The following CD6 variants were observed in gnomAD, a reference collection of about 807,000 sequenced individuals.
CD6 encodes T-cell differentiation antigen CD6.
In CD6, 53 loss-of-function variants were observed where a neutral mutation model predicts 75.3. The ratio of observed to expected loss-of-function variants is 0.70; its 90% CI spans 0.56 to 0.88. The LOEUF (loss-of-function observed/expected upper bound fraction) is 0.88. CD6 is among the 40% of genes least tolerant of loss of function. The probability of loss-of-function intolerance (pLI) is 0.00; values close to 1 mark genes in which losing one functional copy is unlikely to be tolerated. For missense variants in CD6, 770 were observed against 897.1 expected (o/e 0.86, Z 1.81); for synonymous variants, 359 against 381.5 (o/e 0.94, Z 0.69).
chr11:60,990,942 A>T (rs995040204), intron 1 of CD6, among the ~76,000 whole-genome samples: 75 of 151,898 alleles, frequency 4.9e-4, no homozygotes, highest in Non-Finnish European at 8.2e-4. Flanking sequence ...TTTCCAGCTG[A>T]TGGATGGTTA....
At chr11:60,976,986 C>T (rs1213295833) in intron 1 of CD6, among the ~76,000 whole-genome samples, 1 of 152,154 alleles carries the variant, frequency 6.6e-6, no homozygotes, top group Non-Finnish European at 1.5e-5. Context: ...CCCGGCTTAG[C>T]TTGGCTCTCT....
At chr11:61,009,482 C>A in intron 4 of CD6, 90 bp from the exon 5 acceptor site, 1 of 1,164,946 alleles carries the variant, frequency 8.6e-7, no homozygotes. Flanking sequence ...CAAATGGCTG[C>A]ATTGGTGCCT....
chr11:60,996,146 C>G (rs1858285410), intron 1 of CD6, among the ~76,000 whole-genome samples: 1 of 152,212 alleles, frequency 6.6e-6, no homozygotes, highest in African/African-American at 2.4e-5. Context: ...CTAAACCGCT[C>G]TGTGCCTCAG....
intron 1 of CD6, among the ~76,000 whole-genome samples, chr11:61,003,077 G>A (rs892375465): frequency 6.6e-6 from 1 of 152,106 alleles, no homozygotes; most frequent in Non-Finnish European, 1.5e-5. Flanking sequence ...CAATTCTCCT[G>A]CCTCAGCCTC....
In CD6 at chr11:61,007,931, C is replaced by G. The variant is rs1858949219; in HGVS notation, c.469+21C>G. On this transcript the variant is annotated intron_variant, in intron 3 of 12. Coordinates refer to ENST00000313421, the MANE Select transcript of CD6 (RefSeq NM_006725.5). The surrounding 1 kb of genome is among the most constrained non-coding windows in gnomAD (Gnocchi z 4.2). Reference sequence around the variant, plus strand: ...TGCAGGTACGAGCGCACCCCCTACACGGGCCCCCACCTGCCCCACTCCCCA... The same window carrying G: ...TGCAGGTACGAGCGCACCCCCTACAGGGGCCCCCACCTGCCCCACTCCCCA... 7.7e-7 allele frequency: 1 copy of G among 1,292,648 alleles called. No individual in the cohort carries two copies. Among genetic ancestry groups the G allele is most frequent in the African/African-American group, 1.6e-5 (1 of 64,464 alleles). The allele number at this position is 1,292,648 out of a possible 1,614,324, so 80.1% of individuals were successfully genotyped here.
intron 1 of CD6, among the ~76,000 whole-genome samples, chr11:61,005,781 A>C (rs964553209): frequency 6.6e-6 from 1 of 152,110 alleles, no homozygotes; most frequent in Non-Finnish European, 1.5e-5. Context: ...AAAATACAAA[A>C]TTAGCCAGGC....
rs755587886 is a variant in CD6, at chr11:61,006,642, G to A, written c.118G>A (p.Gly40Arg). ...SSAESELWEP[G>R]ERLPVRLTNG... Reference sequence around the variant, plus strand: ...TGCAGAGAGTGAGCTCTGGGAGCCAGGTGAGCAAACATTCCCTCTGGGGGT... The same window carrying A: ...TGCAGAGAGTGAGCTCTGGGAGCCAAGTGAGCAAACATTCCCTCTGGGGGT... Residue 40 changes from glycine (G) to arginine (R), a missense_variant and splice_region_variant, in exon 2 of 13, where the codon GGG becomes AGG. Transcript: ENST00000313421. 4 of 1,607,028 alleles carry A rather than the reference G, an allele frequency of 2.5e-6. No individual in the cohort carries two copies. The highest frequency in any genetic ancestry group is 1.7e-5 in the Admixed American group (1 of 59,252).
intron 1 of CD6, among the ~76,000 whole-genome samples, chr11:60,982,241 T>G (rs1242086974): frequency 6.6e-6 from 1 of 151,248 alleles, no homozygotes; most frequent in Non-Finnish European, 1.5e-5. Context: ...ACTTCTGACT[T>G]GGAGTCATGT....
At chr11:61,003,067 C>A (rs1052299436) in intron 1 of CD6, among the ~76,000 whole-genome samples, 2 of 152,162 alleles carry the variant, frequency 1.3e-5, no homozygotes, top group Non-Finnish European at 2.9e-5. Context: ...CAGGCTCAAG[C>A]AATTCTCCTG....
At chr11:61,015,997 G>A (rs563594068) in intron 9 of CD6, among the ~76,000 whole-genome samples, 162 bp downstream of exon 9, 59 of 152,338 alleles carry the variant, frequency 3.9e-4, no homozygotes, top group African/African-American at 8.4e-4. Flanking sequence ...CTACACTGAC[G>A]TTTGCACCGT....
intron 1 of CD6, among the ~76,000 whole-genome samples, chr11:60,986,180 A>G (rs1421596712): frequency 6.6e-6 from 1 of 152,220 alleles, no homozygotes; most frequent in African/African-American, 2.4e-5. Flanking sequence ...TATTGTAAAA[A>G]CGTTATAACA....
intron 1 of CD6, among the ~76,000 whole-genome samples, chr11:60,987,327 T>G (rs1857860267): frequency 6.6e-6 from 1 of 152,218 alleles, no homozygotes; most frequent in Non-Finnish European, 1.5e-5. Context: ...TATGTGCATG[T>G]GCCTGTGTCC....
At chr11:61,012,158 C>T (rs1294007749) in intron 6 of CD6, among the ~76,000 whole-genome samples, 2 of 152,176 alleles carry the variant, frequency 1.3e-5, no homozygotes, top group African/African-American at 4.8e-5. Context: ...GATGACAGCA[C>T]AGAGAGGAAA....
intron 1 of CD6, among the ~76,000 whole-genome samples, chr11:60,999,766 G>T (rs1313247017): frequency 6.6e-6 from 1 of 152,112 alleles, no homozygotes; most frequent in Non-Finnish European, 1.5e-5. Flanking sequence ...ACAGCACAGG[G>T]TCGGGTTCTG....
At chr11:61,002,281 G>T (rs563626443) in intron 1 of CD6, among the ~76,000 whole-genome samples, 1 of 152,118 alleles carries the variant, frequency 6.6e-6, no homozygotes, top group African/African-American at 2.4e-5. Context: ...GACTGGGTGC[G>T]GTGGCTCACA....
Position 60,998,635 on chromosome 11 carries a change from T to C in CD6, c.50-7939T>C, listed in dbSNP as rs530704704. Among the ~76,000 whole-genome samples, 7 of 152,234 alleles carry C rather than the reference T, an allele frequency of 4.6e-5. No individual in the cohort carries two copies. In the South Asian group the frequency reaches 1.5e-3, roughly 32 times the overall value. On this transcript the variant is annotated intron_variant, in intron 1 of 12. Transcript: ENST00000313421. ...TTCAATTCTTCCCTGGGAATGAGTATGGCTTTAGCTGGCGTGGCCACACTG... is the reference window on the plus strand; with the variant it reads ...TTCAATTCTTCCCTGGGAATGAGTACGGCTTTAGCTGGCGTGGCCACACTG...
rs1858907296 is a variant in CD6, at chr11:61,007,301, C to G, written c.119-259C>G. Among the ~76,000 whole-genome samples, 1 of 152,116 alleles carries G rather than the reference C, an allele frequency of 6.6e-6. No homozygotes were observed. The highest frequency in any genetic ancestry group is 2.4e-5 in the African/African-American group (1 of 41,426). ...AGGAGGGTTTCTAGGGGGCTGGACC[C>G]CTAGTTGTCTGTCACCCATCTTAAC... On this transcript the variant is annotated intron_variant, in intron 2 of 12. Coordinates refer to ENST00000313421, the MANE Select transcript of CD6 (RefSeq NM_006725.5). This position sits in a 1 kb window ranked among gnomAD's most constrained non-coding sequence, Gnocchi z 4.2.
chr11:61,018,458 G>T, intron 12 of CD6, 65 bp downstream of exon 12: 2 of 1,180,906 alleles, frequency 1.7e-6, no homozygotes, highest in Admixed American at 4.1e-5. Flanking sequence ...AAATGAGTGG[G>T]GAACTATTGG....
chr11:61,015,219 C>T (rs769814332), intron 8 of CD6, among the ~76,000 whole-genome samples: 2 of 152,188 alleles, frequency 1.3e-5, no homozygotes, highest in Admixed American at 6.5e-5. Context: ...GTTTAGTTCT[C>T]CATATTGGAA....
Sources: gnomAD v4.1 joint callset for allele counts (sites outside exome capture counted in the v4.1 genomes callset) on GRCh38, gnomAD v4.1.1 for gene constraint, Gnocchi (gnomAD v3.1) non-coding constraint, MANE v1.5 for transcripts, NCBI Gene and HGNC (gene_info 2026-07-23, HGNC 2026-07-21) for gene names.